FGF13: variants seen among roughly 807,000 people sequenced by gnomAD.
The protein encoded by FGF13 is fibroblast growth factor 13.
FGF13 carries 2 observed loss-of-function variants against 19.5 expected under a neutral mutation model. The observed-to-expected ratio is 0.10, with a 90% CI of 0.04 to 0.32. The LOEUF (loss-of-function observed/expected upper bound fraction) is 0.32. FGF13 is among the 10% of genes least tolerant of loss of function. FGF13 has a pLI of 1.00. For missense variants in FGF13, 113 were observed against 192.7 expected, an observed-to-expected ratio of 0.59 and a Z score of 2.45; for synonymous variants, 72 against 76.9, an observed-to-expected ratio of 0.94 and a Z score of 0.33.
At chrX:138,943,021 T>C (rs1400207963) in intron 1 of FGF13, among the ~76,000 whole-genome samples, 1 of 112,247 alleles carries the variant, frequency 8.9e-6, no homozygotes, top group African/African-American at 3.2e-5. Context: ...TCAACTCCAC[T>C]AAAATCCCCC....
chrX:139,000,061 A>G (rs770105620), intron 1 of FGF13, among the ~76,000 whole-genome samples: 16 of 112,254 alleles, frequency 1.4e-4, no homozygotes, highest in South Asian at 3.7e-4. Flanking sequence ...AATCTATCAC[A>G]TAAACAGAAC....
chrX:138,960,011 G>C (rs1363255264), intron 1 of FGF13, among the ~76,000 whole-genome samples: 5 of 111,850 alleles, frequency 4.5e-5, no homozygotes, highest in Admixed American at 3.8e-4. Flanking sequence ...GGGGCATTTA[G>C]CCCATTTACA....
intron 1 of FGF13, among the ~76,000 whole-genome samples, chrX:138,896,234 G>C (rs1196037392): frequency 2.7e-5 from 3 of 111,739 alleles, no homozygotes; most frequent in Non-Finnish European, 5.6e-5. Flanking sequence ...ATTTGTGTGT[G>C]TGTGTATATA....
rs376485625 is a variant in FGF13 at position 138,646,103 on chromosome X, A to T, written c.403-10448T>A. Among the ~76,000 whole-genome samples, 3 of 112,493 alleles carry T rather than the reference A, an allele frequency of 2.7e-5. No individual in the cohort carries two copies. In the East Asian group the frequency reaches 8.4e-4, roughly 31 times the overall value. Reference sequence around the variant, plus strand: ...ATATAACAGTATTTTATGTTTAAGCAGTGCCTACATTTAAAGTTTTCTACA... The same window carrying T: ...ATATAACAGTATTTTATGTTTAAGCTGTGCCTACATTTAAAGTTTTCTACA... On this transcript the variant is annotated intron_variant, in intron 3 of 4. Coordinates refer to ENST00000315930, the MANE Select transcript of FGF13 (RefSeq NM_004114.5).
chrX:138,656,936 C>T (rs970966523), intron 3 of FGF13, among the ~76,000 whole-genome samples: 1 of 112,038 alleles, frequency 8.9e-6, no homozygotes, highest in African/African-American at 3.2e-5. Flanking sequence ...AAAATACCAG[C>T]TATGGACATC....
intron 3 of FGF13, among the ~76,000 whole-genome samples, chrX:138,753,187 C>G (rs996239723): frequency 8.0e-5 from 9 of 111,873 alleles, no homozygotes; most frequent in African/African-American, 2.9e-4. Flanking sequence ...TCAAGTTGTA[C>G]GTCAGCATGT....
intron 2 of FGF13, among the ~76,000 whole-genome samples, chrX:138,707,818 G>C (rs2090006298): frequency 8.9e-6 from 1 of 111,898 alleles, no homozygotes; most frequent in Non-Finnish European, 1.9e-5. Context: ...TAAAAGGTGG[G>C]AAACTCTTTA....
chrX:138,844,595 C>T (rs1478394268), intron 3 of FGF13, among the ~76,000 whole-genome samples: 1 of 112,138 alleles, frequency 8.9e-6, no homozygotes, highest in Non-Finnish European at 1.9e-5. Context: ...AAATTAGCAA[C>T]GATTTACCGC....
At position 138,913,182 on chromosome X, in the gene FGF13, C is replaced by CTTTTTTTTTTTTTT. The variant is rs35078012; in HGVS notation, c.-112-48546_-112-48533dup. 3.0e-4 allele frequency among the ~76,000 whole-genome samples: 11 copies of CTTTTTTTTTTTTTT among 37,092 alleles called. 2 individuals carry two copies. Among genetic ancestry groups the CTTTTTTTTTTTTTT allele is most frequent in the African/African-American group, 1.4e-3 (11 of 8,007 alleles). The allele number at this position is 37,092 out of a possible 115,157, so 32.2% of individuals were successfully genotyped here. The stretch of plus-strand genomic sequence containing the variant: ...TGCACCTGGAAAGAAAAAGCATCTA[C>CTTTTTTTTTTTTTT]TTTTTTTTTTTTTTTTTTTTTTTTT... On this transcript the variant is annotated intron_variant, in intron 1 of 2. Transcript: ENST00000421460.
At chrX:139,077,781 T>C (rs184867104) in intron 1 of FGF13, among the ~76,000 whole-genome samples, 4 of 112,041 alleles carry the variant, frequency 3.6e-5, no homozygotes, top group East Asian at 2.8e-4. Flanking sequence ...ACTAAGTATA[T>C]TTTTTAGTGA....
chrX:138,645,971 T>C (rs2089302281), intron 3 of FGF13, among the ~76,000 whole-genome samples: 1 of 112,458 alleles, frequency 8.9e-6, no homozygotes, highest in African/African-American at 3.2e-5. Context: ...TCACTTTAAT[T>C]ACTATGCTAC....
intron 3 of FGF13, among the ~76,000 whole-genome samples, chrX:138,776,024 T>A (rs2090584976): frequency 8.9e-6 from 1 of 112,608 alleles, no homozygotes; most frequent in South Asian, 3.7e-4. Flanking sequence ...TAGCAAAATG[T>A]ATGCTAAGGC....
chrX:138,967,031 C>G (rs947387697), intron 1 of FGF13, among the ~76,000 whole-genome samples: 2 of 110,820 alleles, frequency 1.8e-5, no homozygotes, highest in East Asian at 5.7e-4. Context: ...TCCCCAGGCA[C>G]GTGGAACTGT....
upstream of FGF13, among the ~76,000 whole-genome samples, chrX:138,711,845 T>G (rs908979322): frequency 5.6e-4 from 52 of 93,284 alleles, no homozygotes; most frequent in Non-Finnish European, 9.6e-4. Flanking sequence ...GGCCGCCCGT[T>G]CCGGCTAACA....
chrX:138,699,454 C>T (rs1008985362), intron 3 of FGF13, among the ~76,000 whole-genome samples: 11 of 111,024 alleles, frequency 9.9e-5, no homozygotes, highest in African/African-American at 3.6e-4. Context: ...GCCCTAAATA[C>T]ACACCCACCC....
chrX:139,155,229 C>T (rs2148250356), intron 1 of FGF13, among the ~76,000 whole-genome samples: 1 of 112,301 alleles, frequency 8.9e-6, no homozygotes, highest in East Asian at 2.8e-4. Flanking sequence ...ACCCCCATAC[C>T]CTCAGGGTGC....
chrX:138,680,581 T>C (rs767895476), intron 3 of FGF13, among the ~76,000 whole-genome samples: 25 of 111,760 alleles, frequency 2.2e-4, no homozygotes, highest in Non-Finnish European at 4.0e-4. Flanking sequence ...AGAATCTTTT[T>C]TTCCCCCCAG....
chrX:138,693,862 T>A (rs2089863961), intron 3 of FGF13, among the ~76,000 whole-genome samples: 1 of 111,771 alleles, frequency 8.9e-6, no homozygotes, highest in African/African-American at 3.2e-5. Flanking sequence ...AATAATTGAG[T>A]CCATATCACT....
At chrX:139,032,742 C>T (rs982267601) in intron 1 of FGF13, among the ~76,000 whole-genome samples, 4 of 110,263 alleles carry the variant, frequency 3.6e-5, no homozygotes, top group African/African-American at 9.9e-5. Context: ...CTTTCCAGCT[C>T]ACTGCTTCCT....
Sources: allele counts gnomAD v4.1 joint callset (sites outside exome capture counted in the v4.1 genomes callset), GRCh38; gene constraint gnomAD v4.1.1; transcripts MANE v1.5; gene names NCBI Gene and HGNC (gene_info 2026-07-23, HGNC 2026-07-21).